The following RPTOR variants were observed in gnomAD, a reference collection of about 807,000 sequenced individuals.
RPTOR encodes the protein regulatory associated protein of MTOR complex 1, also known as regulatory-associated protein of mTOR.
RPTOR carries 21 observed loss-of-function variants against 169.9 expected under a neutral mutation model. The ratio of observed to expected loss-of-function variants is 0.12; its 90% CI spans 0.09 to 0.18. RPTOR has a LOEUF of 0.18. RPTOR is among the 10% of genes least tolerant of loss of function. The pLI, the probability that RPTOR is intolerant of heterozygous loss-of-function variation, is 1.00. For missense variants in RPTOR, 1,133 were observed against 1,855.9 expected (o/e 0.61, Z 7.16); for synonymous variants, 732 against 753.2 (o/e 0.97, Z 0.46).
At chr17:80,656,824 A>G (rs1296632036) in intron 3 of RPTOR, among the ~76,000 whole-genome samples, 1 of 152,162 alleles carries the variant, frequency 6.6e-6, no homozygotes, top group East Asian at 1.9e-4. Context: ...ATCACCCTCT[A>G]GTTGACAGAG....
chr17:80,689,508 A>G (rs1276731037), intron 3 of RPTOR, among the ~76,000 whole-genome samples: 1 of 152,212 alleles, frequency 6.6e-6, no homozygotes, highest in Non-Finnish European at 1.5e-5. Flanking sequence ...AGCGCCAAGG[A>G]TTGCTGTTAT....
chr17:80,666,566 T>G (rs184289267), intron 3 of RPTOR, among the ~76,000 whole-genome samples: 3 of 152,352 alleles, frequency 2.0e-5, no homozygotes, highest in Admixed American at 1.3e-4. Flanking sequence ...ATGCGTCACT[T>G]TGCTAGTTGC....
intron 11 of RPTOR, among the ~76,000 whole-genome samples, chr17:80,847,491 A>G (rs1435903682): frequency 1.3e-5 from 2 of 150,926 alleles, no homozygotes; most frequent in South Asian, 2.1e-4. Context: ...AGGTCTAAGA[A>G]CTCACTTTAA....
In RPTOR at chr17:80,857,845, G is replaced by C. The variant is rs572833876; in HGVS notation, c.1454G>C (p.Arg485Pro). Reference protein sequence around the residue: ...YVLKLLQSSARELRPLLVFIW... With the variant: ...YVLKLLQSSAPELRPLLVFIW... ...CTGAAGCTGCTCCAGAGCTCGGCCC[G>C]AGAGCTGCGGCCACTTCTCGTTTTC... is the stretch of plus-strand genomic sequence containing the variant. The change falls in exon 13 of 34, where the codon CGA becomes CCA. Residue 485 changes from arginine (R) to proline (P), a missense_variant. Coordinates refer to ENST00000306801, the MANE Select transcript of RPTOR (RefSeq NM_020761.3). 1 of 1,613,134 alleles carries C rather than the reference G, an allele frequency of 6.2e-7. No homozygotes were observed. Among genetic ancestry groups the C allele is most frequent in the South Asian group, 1.1e-5 (1 of 91,082 alleles).
At chr17:80,830,424 C>T (rs901090598) in intron 9 of RPTOR, among the ~76,000 whole-genome samples, 2 of 152,236 alleles carry the variant, frequency 1.3e-5, no homozygotes, top group Admixed American at 6.5e-5. Flanking sequence ...GAAAATTTAT[C>T]GGAATGACTT....
chr17:80,827,820 G>T (rs1035882800), intron 9 of RPTOR, among the ~76,000 whole-genome samples: 27 of 152,204 alleles, frequency 1.8e-4, no homozygotes, highest in African/African-American at 6.5e-4. Context: ...CCTGCTGCGT[G>T]TTGGGCTTTA....
At chr17:80,697,934 G>A (rs1484781445) in intron 3 of RPTOR, among the ~76,000 whole-genome samples, 1 of 151,992 alleles carries the variant, frequency 6.6e-6, no homozygotes, top group African/African-American at 2.4e-5. Context: ...ACACATTCCT[G>A]TGACCCACTG....
chr17:80,763,566 A>G (rs1370377261), intron 6 of RPTOR, among the ~76,000 whole-genome samples: 1 of 152,270 alleles, frequency 6.6e-6, no homozygotes, highest in African/African-American at 2.4e-5. Flanking sequence ...GACACCAAGT[A>G]CAGACAAAGG....
intron 5 of RPTOR, among the ~76,000 whole-genome samples, chr17:80,742,553 T>C (rs934656473): frequency 8.1e-5 from 12 of 148,948 alleles, no homozygotes; most frequent in African/African-American, 2.8e-4. Flanking sequence ...CTCACCTACA[T>C]TTACATACAT....
At chr17:80,886,571 A>G (rs2068248786) in intron 17 of RPTOR, among the ~76,000 whole-genome samples, 1 of 152,256 alleles carries the variant, frequency 6.6e-6, no homozygotes, top group Non-Finnish European at 1.5e-5. Flanking sequence ...TTTCTTCTTT[A>G]CAAAAACGAT....
chr17:80,944,618 T>C (rs1018118963), intron 25 of RPTOR, among the ~76,000 whole-genome samples: 2 of 152,344 alleles, frequency 1.3e-5, no homozygotes, highest in African/African-American at 4.8e-5. Context: ...GCTTTTCTTC[T>C]GCTTCCTTTG....
intron 1 of RPTOR, among the ~76,000 whole-genome samples, chr17:80,559,559 G>A (rs951881364): frequency 6.6e-6 from 1 of 152,226 alleles, no homozygotes; most frequent in African/African-American, 2.4e-5. Flanking sequence ...TTTGCCCTTG[G>A]TGTGGCATGC....
intron 11 of RPTOR, among the ~76,000 whole-genome samples, chr17:80,852,776 G>A (rs548889707): frequency 4.6e-4 from 69 of 151,024 alleles, no homozygotes; most frequent in African/African-American, 1.7e-3. Context: ...CCTCTCCACG[G>A]CTCCCCAGGG....
intron 3 of RPTOR, among the ~76,000 whole-genome samples, chr17:80,673,316 T>C (rs1181115202): frequency 6.6e-6 from 1 of 152,216 alleles, no homozygotes; most frequent in Non-Finnish European, 1.5e-5. Context: ...ATCAGGACTG[T>C]AAGGCAGATT....
At chr17:80,761,577 CA>C (rs2066737243) in intron 6 of RPTOR, among the ~76,000 whole-genome samples, 1 of 152,212 alleles carries the variant, frequency 6.6e-6, no homozygotes, top group Non-Finnish European at 1.5e-5. Context: ...TCATTTCAGA[CA>C]TTTGCTGTGA....
chr17:80,813,132 G>A (rs1206163789), intron 7 of RPTOR, among the ~76,000 whole-genome samples: 2 of 152,286 alleles, frequency 1.3e-5, no homozygotes, highest in Non-Finnish European at 1.5e-5. Flanking sequence ...TTTTATGCAC[G>A]CTAAAATGGA....
At chr17:80,700,520 GTGGTGGTGGTGGTGGTGATGATGA>G (rs2066079664) in intron 3 of RPTOR, among the ~76,000 whole-genome samples, 2 of 121,446 alleles carry the variant, frequency 1.6e-5, no homozygotes, top group African/African-American at 6.4e-5. Context: ...GATGGTGATG[GTGGTGGTGGTGGTGGTGATGATGA>G]TGGTGGTGGT....
intron 6 of RPTOR, among the ~76,000 whole-genome samples, chr17:80,777,564 G>T (rs1357839463): frequency 1.3e-5 from 2 of 148,812 alleles, no homozygotes; most frequent in African/African-American, 5.0e-5. Flanking sequence ...TTTTTGAGAT[G>T]GAGTCCTTTG....
At chr17:80,840,337 C>A (rs2067615254) in intron 10 of RPTOR, among the ~76,000 whole-genome samples, 1 of 151,436 alleles carries the variant, frequency 6.6e-6, no homozygotes, top group African/African-American at 2.4e-5. Context: ...CACCGCACGG[C>A]AGCTCACACT....
Sources: allele counts gnomAD v4.1 joint callset (sites outside exome capture counted in the v4.1 genomes callset), GRCh38; gene constraint gnomAD v4.1.1; transcripts MANE v1.5; gene names NCBI Gene and HGNC (gene_info 2026-07-23, HGNC 2026-07-21).